AFTPH: variants seen among roughly 807,000 people sequenced by gnomAD.
AFTPH encodes the protein aftiphilin protein.
In AFTPH, 7 loss-of-function variants were observed where a neutral mutation model predicts 72.5. The ratio of observed to expected loss-of-function variants is 0.10; its 90% CI spans 0.05 to 0.18. The LOEUF (loss-of-function observed/expected upper bound fraction) is 0.18, where lower values mean the gene tolerates loss of function less well. AFTPH is among the 10% of genes least tolerant of loss of function. AFTPH has a pLI of 1.00. For synonymous variants in AFTPH, 337 were observed against 370.1 expected (o/e 0.91, Z 1.03); for missense variants, 979 against 1,060.5 (o/e 0.92, Z 1.07).
exon 1 of AFTPH, chr2:64,524,549 C>G (rs943900016): frequency 1.3e-5 from 5 of 398,990 alleles, no homozygotes; most frequent in Admixed American, 8.8e-5. Flanking sequence ...GGTCCTTCCC[C>G]GGGGAGTCAG....
rs970806288 is a variant in AFTPH, at chr2:64,591,808, A to T, written c.2580-77A>T. ...AGTCCCCACAGATTGCTAACTGTCT[A>T]CCTTGAGAGTGGATTGTCTCCCATT... On this transcript the variant is annotated intron_variant, in intron 8 of 8. Coordinates refer to ENST00000238856, the Ensembl canonical transcript of AFTPH. The T allele has an allele frequency of 4.1e-6, 6 of 1,474,426 alleles. No homozygotes were observed. The African/African-American group carries it at 8.3e-5, about 21-fold the overall frequency. 91.3% of individuals were successfully genotyped at this position (1,474,426 alleles called of 1,614,324 possible).
intron 1 of AFTPH, among the ~76,000 whole-genome samples, chr2:64,545,700 T>C (rs1670564099): frequency 9.9e-6 from 1 of 101,438 alleles, no homozygotes; most frequent in Admixed American, 9.0e-5. Context: ...AAGGGTTGCA[T>C]ACATAATATC....
chr2:64,588,084 C>G (rs1293576336), intron 8 of AFTPH, among the ~76,000 whole-genome samples: 1 of 152,222 alleles, frequency 6.6e-6, no homozygotes, highest in South Asian at 2.1e-4. Context: ...AAAAAGAAAC[C>G]CTGTACCCAT....
Position 64,567,728 on chromosome 2 carries a change from G to C in AFTPH, c.2087+15G>C. ...CCTGAAAGTGGGTAAGTAGGAGACT[G>C]TTTTTAGATAGCATGTGTTTTTGTT... On this transcript the variant is annotated intron_variant, in intron 3 of 8. Transcript: ENST00000238856. 6.3e-7 allele frequency: 1 copy of C among 1,589,074 alleles called. No homozygotes were observed. The highest frequency in any genetic ancestry group is 8.5e-7 in the Non-Finnish European group (1 of 1,171,030).
intron 2 of AFTPH, among the ~76,000 whole-genome samples, chr2:64,567,028 T>C (rs1672127769): frequency 1.3e-5 from 2 of 152,220 alleles, no homozygotes; most frequent in South Asian, 4.1e-4. Flanking sequence ...AGCAAAGATA[T>C]TTCCAAAAGG....
intron 1 of AFTPH, among the ~76,000 whole-genome samples, chr2:64,539,832 G>T (rs1670116748): frequency 6.6e-6 from 1 of 152,144 alleles, no homozygotes; most frequent in African/African-American, 2.4e-5. Flanking sequence ...TGAGGAGTGA[G>T]TGGGAAGTTA....
At position 64,586,111 on chromosome 2, in the gene AFTPH, C is replaced by T. The variant is rs1396866017; in HGVS notation, c.2579+566C>T. ...GGAACTAAAGGCACGGAATGTCACT[C>T]GGGCCATGTGTTTGCGATTCAGAGA... On this transcript the variant is annotated intron_variant, in intron 8 of 8. Coordinates refer to ENST00000238856, the Ensembl canonical transcript of AFTPH. 3.9e-5 allele frequency among the ~76,000 whole-genome samples: 6 copies of T among 152,268 alleles called. No individual in the cohort carries two copies. In the East Asian group the frequency reaches 5.8e-4, roughly 15 times the overall value.
At chr2:64,544,951 C>A (rs536377473) in intron 1 of AFTPH, among the ~76,000 whole-genome samples, 1 of 152,268 alleles carries the variant, frequency 6.6e-6, no homozygotes, top group Non-Finnish European at 1.5e-5. Context: ...CCAATAAAGC[C>A]TGTCTCACCT....
intron 1 of AFTPH, among the ~76,000 whole-genome samples, chr2:64,527,517 T>A (rs962036395): frequency 3.3e-5 from 5 of 151,556 alleles, no homozygotes; most frequent in Non-Finnish European, 1.5e-5. Flanking sequence ...GAGGCGGAGG[T>A]TGCAGTGAGC....
chr2:64,577,697 A>G (rs1051670876), intron 6 of AFTPH, among the ~76,000 whole-genome samples: 2 of 152,192 alleles, frequency 1.3e-5, no homozygotes, highest in Admixed American at 1.3e-4. Context: ...AGATATTTCT[A>G]AATATTTATT....
exon 2 of AFTPH, chr2:64,552,761 AGATGATTTT>A: frequency 1.2e-6 from 2 of 1,614,222 alleles, no homozygotes; most frequent in Non-Finnish European, 1.7e-6. Flanking sequence ...ATATCAATGA[AGATGATTTT>A]GGTGATTTTG....
chr2:64,578,390 C>CAAAAGAAAAGAAAAAAACAACCAACA (rs1558628873), intron 6 of AFTPH, among the ~76,000 whole-genome samples: 7 of 151,890 alleles, frequency 4.6e-5, no homozygotes, highest in African/African-American at 1.7e-4. Context: ...ACACCATCCC[C>CAAAAGAAAAGAAAAAAACAACCAACA]AAAAGAAAAG....
intron 6 of AFTPH, among the ~76,000 whole-genome samples, chr2:64,575,964 C>T (rs999103649): frequency 1.3e-5 from 2 of 151,604 alleles, no homozygotes; most frequent in Admixed American, 1.3e-4. Flanking sequence ...GTCTCCAACT[C>T]CTGACCTCAA....
intron 2 of AFTPH, among the ~76,000 whole-genome samples, chr2:64,557,881 G>A (rs901667989): frequency 6.6e-6 from 1 of 152,118 alleles, no homozygotes; most frequent in Admixed American, 6.5e-5. Flanking sequence ...ACTATCTGGT[G>A]TTTAATTTCA....
intron 1 of AFTPH, among the ~76,000 whole-genome samples, chr2:64,543,525 T>G (rs1433129472): frequency 6.6e-6 from 1 of 152,230 alleles, no homozygotes; most frequent in Non-Finnish European, 1.5e-5. Flanking sequence ...TGTAGGCCCA[T>G]GAACTATCTG....
chr2:64,579,384 C>G (rs1673029284), intron 6 of AFTPH, 102 bp from the exon 7 acceptor site: 1 of 815,394 alleles, frequency 1.2e-6, no homozygotes, highest in Admixed American at 2.5e-5. Flanking sequence ...TCTTTAGGTA[C>G]TTTGTTGCCT....
chr2:64,531,786 A>C (rs1310601541), intron 1 of AFTPH, among the ~76,000 whole-genome samples: 2 of 152,156 alleles, frequency 1.3e-5, no homozygotes, highest in Admixed American at 6.5e-5. Flanking sequence ...GGTTAGATAA[A>C]ATTTCATCTG....
chr2:64,533,209 G>T (rs10185129), intron 1 of AFTPH, among the ~76,000 whole-genome samples: 1 of 151,986 alleles, frequency 6.6e-6, no homozygotes, highest in Non-Finnish European at 1.5e-5. Context: ...ACCAGCCTGG[G>T]CAACATGACA....
At chr2:64,538,620 C>A (rs111875577) in intron 1 of AFTPH, among the ~76,000 whole-genome samples, 3 of 152,136 alleles carry the variant, frequency 2.0e-5, no homozygotes, top group African/African-American at 7.2e-5. Context: ...TTCCTTCTGT[C>A]ACTTCATTGC....
Sources: allele counts gnomAD v4.1 joint callset (sites outside exome capture counted in the v4.1 genomes callset), GRCh38; gene constraint gnomAD v4.1.1; transcripts MANE v1.5; gene names NCBI Gene and HGNC (gene_info 2026-07-23, HGNC 2026-07-21).